Variants in DSCAM observed in about 807,000 individuals in gnomAD.
DSCAM encodes the protein DS cell adhesion molecule, also known as cell adhesion molecule DSCAM.
A neutral mutation model predicts 217.7 loss-of-function variants in DSCAM; 47 were observed. That is an observed-to-expected ratio of 0.22 (90% CI 0.17 to 0.28). DSCAM has a LOEUF of 0.28. Ranked by LOEUF, DSCAM falls within the 10% of genes least tolerant of loss-of-function variation. DSCAM has a pLI of 1.00. For synonymous variants in DSCAM, 1,056 were observed against 1,015.3 expected (o/e 1.04, Z -0.76); for missense variants, 2,080 against 2,618.3 (o/e 0.79, Z 4.49).
chr21:40,280,707 A>T (rs2073749296), intron 10 of DSCAM, among the ~76,000 whole-genome samples: 1 of 152,338 alleles, frequency 6.6e-6, no homozygotes, highest in East Asian at 1.9e-4. Flanking sequence ...AAAATAATGT[A>T]GCCTTCGTTT....
At chr21:40,357,865 A>AC (rs1555909196) in intron 4 of DSCAM, among the ~76,000 whole-genome samples, 2 of 151,894 alleles carry the variant, frequency 1.3e-5, no homozygotes, top group Admixed American at 6.6e-5. Flanking sequence ...GTATAATAAA[A>AC]AAAAACAAAA....
At chr21:40,486,363 T>A (rs551033674) in intron 3 of DSCAM, among the ~76,000 whole-genome samples, 1 of 152,222 alleles carries the variant, frequency 6.6e-6, no homozygotes. Context: ...AGACTGTCCA[T>A]CCTAGCCACC....
intron 20 of DSCAM, among the ~76,000 whole-genome samples, chr21:40,115,015 G>A (rs1159658307): frequency 8.5e-5 from 13 of 152,124 alleles, no homozygotes; most frequent in Non-Finnish European, 1.0e-4. Flanking sequence ...GCGATTCCTT[G>A]GGGATCTAGA....
chr21:40,422,821 GA>G (rs1601631039), intron 3 of DSCAM, among the ~76,000 whole-genome samples: 1 of 152,182 alleles, frequency 6.6e-6, no homozygotes, highest in Non-Finnish European at 1.5e-5. Context: ...AGGTCTTGCA[GA>G]AAATCATACA....
chr21:40,187,618 G>A (rs954212705), intron 13 of DSCAM, among the ~76,000 whole-genome samples: 1 of 152,122 alleles, frequency 6.6e-6, no homozygotes, highest in Admixed American at 6.5e-5. Flanking sequence ...AAATTCCACC[G>A]CTGTACTTGT....
At chr21:40,525,960 C>G (rs1353927322) in intron 3 of DSCAM, among the ~76,000 whole-genome samples, 1 of 152,010 alleles carries the variant, frequency 6.6e-6, no homozygotes, top group African/African-American at 2.4e-5. Flanking sequence ...TGTACCAAAT[C>G]TCTCGGGGGC....
chr21:40,529,742 T>C (rs762411786), intron 3 of DSCAM, among the ~76,000 whole-genome samples: 6 of 152,294 alleles, frequency 3.9e-5, no homozygotes, highest in Admixed American at 1.3e-4. Flanking sequence ...CAGAACCTCC[T>C]TTTCTTTTTA....
chr21:40,801,050 C>T (rs1280437170), intron 1 of DSCAM, among the ~76,000 whole-genome samples: 3 of 151,366 alleles, frequency 2.0e-5, no homozygotes, highest in South Asian at 2.1e-4. Context: ...CTTCAGATTT[C>T]AAGTGATTCT....
At chr21:40,160,166 G>T (rs2090525355) in intron 16 of DSCAM, among the ~76,000 whole-genome samples, 1 of 152,188 alleles carries the variant, frequency 6.6e-6, no homozygotes, top group Non-Finnish European at 1.5e-5. Flanking sequence ...TCATTAAAAT[G>T]CACTGCTACT....
intron 20 of DSCAM, among the ~76,000 whole-genome samples, chr21:40,123,080 G>A (rs2090052332): frequency 6.6e-6 from 1 of 152,176 alleles, no homozygotes; most frequent in Non-Finnish European, 1.5e-5. Flanking sequence ...ACATGCATGA[G>A]GTCCCTAGAG....
chr21:40,487,741 C>G (rs907354918), intron 3 of DSCAM, among the ~76,000 whole-genome samples: 5 of 152,128 alleles, frequency 3.3e-5, no homozygotes, highest in African/African-American at 4.8e-5. Flanking sequence ...TAGAAACATT[C>G]TAGAGAGAAC....
At chr21:40,842,749 C>T (rs2092113328) in intron 1 of DSCAM, among the ~76,000 whole-genome samples, 1 of 152,176 alleles carries the variant, frequency 6.6e-6, no homozygotes, top group South Asian at 2.1e-4. Flanking sequence ...AAAATTAGTT[C>T]CCCTACCAGA....
At chr21:40,167,326 C>A in intron 15 of DSCAM, 38 bp from the exon 16 acceptor site, 1 of 1,597,096 alleles carries the variant, frequency 6.3e-7, no homozygotes, top group Non-Finnish European at 8.6e-7. Flanking sequence ...GTTAGAGACG[C>A]TTTCCGGAGC....
At chr21:40,650,115 G>A (rs570211937) in intron 3 of DSCAM, among the ~76,000 whole-genome samples, 121 of 152,270 alleles carry the variant, frequency 7.9e-4, no homozygotes, top group African/African-American at 2.5e-3. Context: ...AATCACTGAC[G>A]GGGACTTTTT....
In DSCAM at chr21:40,042,269, C is replaced by T; in HGVS notation, c.5686+102G>A. On this transcript the variant is annotated intron_variant, in intron 32 of 32. Coordinates refer to ENST00000400454, the MANE Select transcript of DSCAM (RefSeq NM_001389.5). ...TGCAGCCATCCATAAACAGAGCACC[C>T]ATTTGGTCTGAACACTGAGAAGGGC... is the stretch of plus-strand genomic sequence containing the variant. The T allele has an allele frequency of 2.4e-6, 3 of 1,240,600 alleles. No individual in the cohort carries two copies. In the South Asian group the frequency reaches 4.3e-5, roughly 18 times the overall value. The allele number at this position is 1,240,600 out of a possible 1,614,324, so 76.8% of individuals were successfully genotyped here.
At chr21:40,192,163 G>A (rs894019391) in intron 11 of DSCAM, among the ~76,000 whole-genome samples, 4 of 152,032 alleles carry the variant, frequency 2.6e-5, no homozygotes, top group African/African-American at 9.7e-5. Flanking sequence ...TACCCCAAAA[G>A]ATTTCTCCTG....
intron 28 of DSCAM, 118 bp downstream of exon 28, chr21:40,062,751 A>G: frequency 1.0e-6 from 1 of 954,502 alleles, no homozygotes; most frequent in Non-Finnish European, 1.5e-6. Flanking sequence ...AGTTTTTTCT[A>G]AAAAGAAAAG....
chr21:40,508,781 ATAT>A (rs1486919521), intron 3 of DSCAM, among the ~76,000 whole-genome samples: 4 of 7,242 alleles, frequency 5.5e-4, no homozygotes, highest in Non-Finnish European at 8.9e-4. Flanking sequence ...ATATATATAT[ATAT>A]TTTTTTTTTT....
chr21:40,285,580 T>C (rs1389413249), intron 10 of DSCAM, among the ~76,000 whole-genome samples: 6 of 152,140 alleles, frequency 3.9e-5, no homozygotes, highest in African/African-American at 1.4e-4. Flanking sequence ...TTTCCTACCA[T>C]CAAAGGAAGA....
Sources: allele counts gnomAD v4.1 joint callset (sites outside exome capture counted in the v4.1 genomes callset), GRCh38; gene constraint gnomAD v4.1.1; transcripts MANE v1.5; gene names NCBI Gene and HGNC (gene_info 2026-07-23, HGNC 2026-07-21).